Variants in SMARCA1 observed in about 807,000 individuals in gnomAD.
SMARCA1 encodes SNF2 related chromatin remodeling ATPase 1.
SMARCA1 carries 17 observed loss-of-function variants against 93.6 expected under a neutral mutation model. The ratio of observed to expected loss-of-function variants is 0.18; its 90% CI spans 0.12 to 0.27. The LOEUF (loss-of-function observed/expected upper bound fraction) is 0.27. Ranked by LOEUF, SMARCA1 falls within the 10% of genes least tolerant of loss-of-function variation. The pLI, the probability that SMARCA1 is intolerant of heterozygous loss-of-function variation, is 1.00. For synonymous variants in SMARCA1, 271 were observed against 271.4 expected, an observed-to-expected ratio of 1.00 and a Z score of 0.01; for missense variants, 630 against 819.0, an observed-to-expected ratio of 0.77 and a Z score of 2.82.
intron 17 of SMARCA1, among the ~76,000 whole-genome samples, chrX:129,485,261 G>T (rs940940326): frequency 1.8e-5 from 2 of 112,371 alleles, no homozygotes; most frequent in African/African-American, 6.5e-5. Context: ...GCCCAGGATG[G>T]GGGAAACAGA....
At chrX:129,469,057 T>C in intron 20 of SMARCA1, 152 bp from the exon 21 acceptor site, 1 of 347,951 alleles carries the variant, frequency 2.9e-6, no homozygotes, top group Non-Finnish European at 4.9e-6. Context: ...TATGTTGGAA[T>C]CAAAAGTTGA....
chrX:129,515,040 C>T (rs1402208435), intron 5 of SMARCA1, among the ~76,000 whole-genome samples: 1 of 110,697 alleles, frequency 9.0e-6, no homozygotes, highest in African/African-American at 3.3e-5. Flanking sequence ...CAGAGCGAGA[C>T]TCCATCTCAA....
At chrX:129,485,958 T>C (rs1933870532) in intron 17 of SMARCA1, among the ~76,000 whole-genome samples, 1 of 111,168 alleles carries the variant, frequency 9.0e-6, no homozygotes, top group South Asian at 3.8e-4. Flanking sequence ...ATAAACCTCT[T>C]TTCTTTATAA....
At chrX:129,478,851 T>C (rs1056306803) in intron 19 of SMARCA1, among the ~76,000 whole-genome samples, 55 of 111,650 alleles carry the variant, frequency 4.9e-4, no homozygotes, top group African/African-American at 1.6e-3. Flanking sequence ...AGTCCTTATT[T>C]AGGACTGCAG....
intron 17 of SMARCA1, among the ~76,000 whole-genome samples, chrX:129,483,128 T>C (rs896521023): frequency 6.2e-5 from 7 of 112,588 alleles, no homozygotes; most frequent in Non-Finnish European, 1.3e-4. Flanking sequence ...CTACTCAATA[T>C]AATTTAACTA....
chrX:129,447,703 C>T (rs931745380), intron 24 of SMARCA1, among the ~76,000 whole-genome samples: 2 of 111,615 alleles, frequency 1.8e-5, no homozygotes, highest in Non-Finnish European at 3.8e-5. Context: ...CAGCATTTTC[C>T]CTCAGTGGTA....
At chrX:129,450,357 C>G (rs1164745216) in intron 23 of SMARCA1, among the ~76,000 whole-genome samples, 1 of 111,990 alleles carries the variant, frequency 8.9e-6, no homozygotes, top group Non-Finnish European at 1.9e-5. Flanking sequence ...CTGCTGGCAC[C>G]TTGATCTTGA....
At chrX:129,476,117 T>C (rs765784085) in intron 19 of SMARCA1, among the ~76,000 whole-genome samples, 1 of 112,271 alleles carries the variant, frequency 8.9e-6, no homozygotes, top group South Asian at 3.7e-4. Flanking sequence ...GAAATTTCAA[T>C]TAAGTCGTCC....
rs1443713675 is a variant in SMARCA1, at chrX:129,464,805, A to G, written c.3030+715T>C. Among the ~76,000 whole-genome samples the G allele has an allele frequency of 2.7e-5, 3 of 111,838 alleles. No homozygotes were observed. In the Admixed American group the frequency reaches 2.9e-4, roughly 11 times the overall value. ...CACCAACAGTGTGACAACATGACAT[A>G]ATGTGCCTTCTGATGGGATGCAATA... On this transcript the variant is annotated intron_variant, in intron 23 of 24. Coordinates refer to ENST00000371121, the MANE Select transcript of SMARCA1 (RefSeq NM_001282874.2).
At chrX:129,458,672 T>G (rs1336831001) in intron 23 of SMARCA1, among the ~76,000 whole-genome samples, 5 of 112,082 alleles carry the variant, frequency 4.5e-5, no homozygotes, top group African/African-American at 1.6e-4. Context: ...GACTCCACAT[T>G]ACATTTCCTA....
At chrX:129,485,766 A>G (rs1001137427) in intron 17 of SMARCA1, among the ~76,000 whole-genome samples, 10 of 111,043 alleles carry the variant, frequency 9.0e-5, no homozygotes. Flanking sequence ...AGTTCCTGAC[A>G]AAGAGCCTAG....
At chrX:129,513,715 C>G (rs1347079288) in intron 5 of SMARCA1, among the ~76,000 whole-genome samples, 1 of 108,928 alleles carries the variant, frequency 9.2e-6, no homozygotes, top group African/African-American at 3.3e-5. Flanking sequence ...TTCCATTGTC[C>G]AATTAACCAA....
At chrX:129,474,297 AAATTTT>A (rs1409640921) in intron 19 of SMARCA1, among the ~76,000 whole-genome samples, 1 of 111,916 alleles carries the variant, frequency 8.9e-6, no homozygotes, top group Admixed American at 9.5e-5. Context: ...CTTTGGTTTC[AAATTTT>A]AATTTTAATT....
chrX:129,501,444 C>T (rs12858101), intron 9 of SMARCA1, among the ~76,000 whole-genome samples: 1 of 105,336 alleles, frequency 9.5e-6, no homozygotes, highest in Non-Finnish European at 2.0e-5. Context: ...TACAGGCGCA[C>T]GCCACCACGC....
rs1410358783 is a variant in SMARCA1, at chrX:129,523,301, T to G, written c.70A>C (p.Ile24Leu). Residue 24 changes from isoleucine to leucine, a missense_variant, in exon 1 of 25, where the codon ATA (isoleucine) becomes CTA (leucine). Ile to Leu is a conservative substitution (Grantham distance 5). Transcript: ENST00000371121. Reference sequence around the variant, plus strand: ...GACGGCCCGGGCTGCTCGTCCTCTATGACCACGATAGTGGCGGTCGCATCC... The same window carrying G: ...GACGGCCCGGGCTGCTCGTCCTCTAGGACCACGATAGTGGCGGTCGCATCC... ...AADATATIVVIEDEQPGPSTS... is the reference protein window; with the variant it reads ...AADATATIVVLEDEQPGPSTS... 1.7e-6 allele frequency: 2 copies of G among 1,206,042 alleles called. No homozygotes were observed. The highest frequency in any genetic ancestry group is 2.2e-6 in the Non-Finnish European group (2 of 893,997).
chrX:129,514,714 G>A (rs1183769514), intron 5 of SMARCA1, among the ~76,000 whole-genome samples: 1 of 111,553 alleles, frequency 9.0e-6, no homozygotes, highest in Non-Finnish European at 1.9e-5. Context: ...AGTAGATAAA[G>A]AATAGGAAAA....
chrX:129,511,712 C>A (rs1935024994), intron 6 of SMARCA1, 92 bp downstream of exon 6: 4 of 683,883 alleles, frequency 5.8e-6, no homozygotes, highest in South Asian at 6.1e-5. Context: ...TAGTAGTAGT[C>A]AACTCAGATG....
chrX:129,468,297 A>G (rs988568243), intron 21 of SMARCA1, among the ~76,000 whole-genome samples: 4 of 112,292 alleles, frequency 3.6e-5, no homozygotes, highest in African/African-American at 1.3e-4. Context: ...TACGCCCGCT[A>G]GCCCCAAGTT....
At position 129,482,477 on chromosome X, in the gene SMARCA1, G is replaced by A. The variant is rs192021217; in HGVS notation, c.2218-1292C>T. ...CTGGAAACACAGGTATGGCAGAGTT[G>A]GAAAAGTGGTGGAAACAGAAAGACC... On this transcript the variant is annotated intron_variant, in intron 17 of 24. Transcript: ENST00000371121. 1.2e-4 allele frequency among the ~76,000 whole-genome samples: 13 copies of A among 111,708 alleles called. No homozygotes were observed. The East Asian group carries it at 3.4e-3, about 29-fold the overall frequency.
Sources: gnomAD v4.1 joint callset for allele counts (sites outside exome capture counted in the v4.1 genomes callset) on GRCh38, gnomAD v4.1.1 for gene constraint, MANE v1.5 for transcripts, NCBI Gene and HGNC (gene_info 2026-07-23, HGNC 2026-07-21) for gene names.